The following SYT12 variants were observed in gnomAD, a reference collection of about 807,000 sequenced individuals.
SYT12 encodes synaptotagmin-12.
A neutral mutation model predicts 39.5 loss-of-function variants in SYT12; 27 were observed. The ratio of observed to expected loss-of-function variants is 0.68; its 90% CI spans 0.50 to 0.94. The LOEUF (loss-of-function observed/expected upper bound fraction) is 0.94, where lower values mean the gene tolerates loss of function less well. SYT12 is among the 40% of genes least tolerant of loss of function. The probability of loss-of-function intolerance (pLI) is 0.00; values close to 1 mark genes in which losing one functional copy is unlikely to be tolerated. For synonymous variants in SYT12, 233 were observed against 239.7 expected (o/e 0.97, Z 0.26); for missense variants, 536 against 572.6 (o/e 0.94, Z 0.65).
At chr11:67,025,010 G>A (rs897310532) in intron 1 of SYT12, among the ~76,000 whole-genome samples, 3 of 152,172 alleles carry the variant, frequency 2.0e-5, no homozygotes, top group Admixed American at 2.0e-4. Flanking sequence ...GCAAAGCTGG[G>A]GGAAGTGGGG....
intron 3 of SYT12, among the ~76,000 whole-genome samples, chr11:67,012,168 C>T (rs1054624830): frequency 9.3e-5 from 14 of 151,152 alleles, no homozygotes; most frequent in African/African-American, 2.4e-4. Context: ...GTCAGGAATT[C>T]GAGACCAGCC....
At chr11:67,022,869 T>C (rs1176871228), upstream of SYT12, 1 of 152,266 alleles carries the variant, frequency 6.6e-6, no homozygotes, top group African/African-American at 2.4e-5. Flanking sequence ...CCGCTGCGCC[T>C]CCTGTCGCTG....
intron 3 of SYT12, among the ~76,000 whole-genome samples, chr11:67,012,141 C>T (rs1324044403): frequency 1.3e-5 from 2 of 151,118 alleles, no homozygotes; most frequent in African/African-American, 2.4e-5. Flanking sequence ...GAGGCCGAGG[C>T]GGGCGGATCA....
exon 1 of SYT12, chr11:67,007,318 G>A (rs959222348): frequency 2.0e-5 from 3 of 152,260 alleles, no homozygotes; most frequent in African/African-American, 4.8e-5. Context: ...TCGGGCTCGT[G>A]GGCGAAGGGC....
Position 67,009,034 on chromosome 11 carries a change from A to G in SYT12, c.-484-845A>G, listed in dbSNP as rs566003527. On this transcript the variant is annotated intron_variant, in intron 1 of 10. Transcript: ENST00000393946. Reference sequence around the variant, plus strand: ...GGGGCTTTTGTTGTTGTTTTGAGACAAGGTCTGGCTCTGTCGCCCAGGCTA... The same window carrying G: ...GGGGCTTTTGTTGTTGTTTTGAGACGAGGTCTGGCTCTGTCGCCCAGGCTA... 3.9e-5 allele frequency among the ~76,000 whole-genome samples: 6 copies of G among 152,156 alleles called. No homozygotes were observed. In the East Asian group the frequency reaches 1.2e-3, roughly 30 times the overall value.
rs1854665247 is a variant in SYT12 at position 67,048,953 on chromosome 11, G to A, written c.*196G>A. On this transcript the variant is annotated 3_prime_UTR_variant, in exon 8 of 8. Transcript: ENST00000527043. Reference sequence around the variant, plus strand: ...GTGGCTCTGTGTCCAGGGCCCCAGGGTCTGCTCCTGCTGAGGACCAGCTGT... The same window carrying A: ...GTGGCTCTGTGTCCAGGGCCCCAGGATCTGCTCCTGCTGAGGACCAGCTGT... 1 of 604,758 alleles carries A rather than the reference G, an allele frequency of 1.7e-6. No homozygotes were observed. The highest frequency in any genetic ancestry group is 2.8e-6 in the Non-Finnish European group (1 of 361,506). The allele number at this position is 604,758 out of a possible 1,614,324, so 37.5% of individuals were successfully genotyped here.
At chr11:67,010,563 A>G (rs7925154) in intron 2 of SYT12, among the ~76,000 whole-genome samples, 5,602 of 152,192 alleles carry the variant, frequency 0.037, 326 homozygotes, top group African/African-American at 0.13. Flanking sequence ...TTCCAGCTCC[A>G]TCTTAACTGG....
At position 67,039,981 on chromosome 11, in the gene SYT12, G is replaced by A. The variant is rs757275280; in HGVS notation, c.399G>A (p.Ser133=). The change falls in exon 4 of 8, where the codon TCG becomes TCA. Residue 133 remains serine, a synonymous_variant. Coordinates refer to ENST00000527043, the MANE Select transcript of SYT12 (RefSeq NM_177963.4). The stretch of plus-strand genomic sequence containing the variant: ...ATGGGACCCTCCGGAAGTCCCAGTC[G>A]GCCGACTCCCTGAACTCCATCTCCT... ...APYGTLRKSQ[S]ADSLNSISSV... is the part of the protein sequence containing the mutation. The A allele has an allele frequency of 1.5e-5, 24 of 1,613,746 alleles. No individual in the cohort carries two copies. Among genetic ancestry groups the A allele is most frequent in the South Asian group, 5.5e-5 (5 of 91,078 alleles).
Position 67,033,416 on chromosome 11 carries a change from C to T in SYT12, c.35-1229C>T, listed in dbSNP as rs118155814. ...TGGCCTGGGGCTGACTCAACCCTGG[C>T]TACCCATGCCCATAGGCTGCTGGCA... On this transcript the variant is annotated intron_variant, in intron 2 of 7. Coordinates refer to ENST00000527043, the MANE Select transcript of SYT12 (RefSeq NM_177963.4). Among the ~76,000 whole-genome samples, 10 of 152,334 alleles carry T rather than the reference C, an allele frequency of 6.6e-5. No individual in the cohort carries two copies. In the East Asian group the frequency reaches 1.9e-3, roughly 29 times the overall value.
intron 3 of SYT12, among the ~76,000 whole-genome samples, chr11:67,039,386 G>A (rs1950453488): frequency 1.3e-5 from 2 of 150,356 alleles, no homozygotes; most frequent in African/African-American, 4.9e-5. Context: ...CGAGGTAGGT[G>A]GGCAGATCAC....
intron 3 of SYT12, among the ~76,000 whole-genome samples, chr11:67,038,650 CAACTT>C (rs1950434683): frequency 6.6e-6 from 1 of 152,274 alleles, no homozygotes; most frequent in East Asian, 1.9e-4. Context: ...CTGCAATCGA[CAACTT>C]GATGTATGGA....
At chr11:67,023,852 G>T (rs1950145507) in intron 1 of SYT12, among the ~76,000 whole-genome samples, 2 of 152,326 alleles carry the variant, frequency 1.3e-5, no homozygotes, top group African/African-American at 4.8e-5. Context: ...CACCCTGGAG[G>T]TTCCCGAGGC....
chr11:67,043,554 G>T, intron 4 of SYT12, 84 bp from the exon 5 acceptor site: 1 of 1,284,164 alleles, frequency 7.8e-7, no homozygotes, highest in Non-Finnish European at 1.1e-6. Context: ...CTCTAGCCTG[G>T]GCCTCTGGAC....
intron 3 of SYT12, among the ~76,000 whole-genome samples, chr11:67,037,008 G>T (rs560056334): frequency 1.0e-3 from 155 of 152,328 alleles, no homozygotes; most frequent in Non-Finnish European, 1.9e-3. Context: ...AGAAGGTGGA[G>T]GTTGCAGTGA....
intron 3 of SYT12, among the ~76,000 whole-genome samples, chr11:67,015,404 C>G (rs1950049941): frequency 6.6e-6 from 1 of 152,226 alleles, no homozygotes; most frequent in Non-Finnish European, 1.5e-5. Context: ...AGGCTGCTCT[C>G]CAATGATCTG....
Position 67,023,455 on chromosome 11 carries a change from G to A in SYT12, c.-29G>A, listed in dbSNP as rs1053643174. The stretch of plus-strand genomic sequence containing the variant: ...GCCGGAGCGGCGGCCCCTCCGCGGA[G>A]CCCGGGTGAGTACGCACCCCGCCGA... On this transcript the variant is annotated 5_prime_UTR_variant, in exon 1 of 8. Coordinates refer to ENST00000527043, the MANE Select transcript of SYT12 (RefSeq NM_177963.4). 6.6e-6 allele frequency: 1 copy of A among 151,110 alleles called. No individual in the cohort carries two copies. Among genetic ancestry groups the A allele is most frequent in the Non-Finnish European group, 1.5e-5 (1 of 67,622 alleles). The allele number at this position is 151,110 out of a possible 1,614,324, so 9.4% of individuals were successfully genotyped here. A position where few individuals can be genotyped will look rare whatever the true frequency, so the allele number is the denominator to read the frequency against.
intron 3 of SYT12, 26 bp downstream of exon 3, chr11:67,034,864 A>G (rs1483304290): frequency 1.3e-6 from 2 of 1,494,334 alleles, no homozygotes; most frequent in Non-Finnish European, 1.8e-6. Flanking sequence ...CTGCAGGTGC[A>G]CAGCGAGTGC....
Position 67,039,975 on chromosome 11 carries a change from C to T in SYT12, c.393C>T (p.Ser131=), listed in dbSNP as rs777868571. ...DLAPYGTLRK[S]QSADSLNSIS... is the part of the protein sequence containing the mutation. Reference sequence around the variant, plus strand: ...CCCCCTATGGGACCCTCCGGAAGTCCCAGTCGGCCGACTCCCTGAACTCCA... The same window carrying T: ...CCCCCTATGGGACCCTCCGGAAGTCTCAGTCGGCCGACTCCCTGAACTCCA... Residue 131 remains serine, a synonymous_variant, in exon 4 of 8, where the codon TCC becomes TCT. Coordinates refer to ENST00000527043, the MANE Select transcript of SYT12 (RefSeq NM_177963.4). 2.5e-6 allele frequency: 4 copies of T among 1,613,804 alleles called. No homozygotes were observed. In the Admixed American group the frequency reaches 5.0e-5, roughly 20 times the overall value.
At chr11:67,042,573 G>A (rs912236587) in intron 4 of SYT12, among the ~76,000 whole-genome samples, 1 of 152,178 alleles carries the variant, frequency 6.6e-6, no homozygotes, top group South Asian at 2.1e-4. Flanking sequence ...CAAACCCAGG[G>A]TTCCATCCTC....
Sources: allele counts gnomAD v4.1 joint callset (sites outside exome capture counted in the v4.1 genomes callset), GRCh38; gene constraint gnomAD v4.1.1; transcripts MANE v1.5; gene names NCBI Gene and HGNC (gene_info 2026-07-23, HGNC 2026-07-21).